Variants in GNA14 observed in about 807,000 individuals in gnomAD.
GNA14 encodes G protein subunit alpha 14, also known as guanine nucleotide-binding protein subunit alpha-14.
A neutral mutation model predicts 42.0 loss-of-function variants in GNA14; 50 were observed. The ratio of observed to expected loss-of-function variants is 1.19; its 90% CI spans 0.95 to 1.51. GNA14 has a LOEUF of 1.51. Ranked by LOEUF, GNA14 falls within the 40% of genes most tolerant of loss-of-function variation. The pLI, the probability that GNA14 is intolerant of heterozygous loss-of-function variation, is 0.00. For missense variants in GNA14, 473 were observed against 446.2 expected (o/e 1.06, Z -0.54); for synonymous variants, 173 against 163.1 (o/e 1.06, Z -0.46).
chr9:77,452,411 AGAGT>A (rs1835917326), intron 2 of GNA14, among the ~76,000 whole-genome samples: 1 of 152,152 alleles, frequency 6.6e-6, no homozygotes, highest in Admixed American at 6.5e-5. Flanking sequence ...AGCATTTTCC[AGAGT>A]GGTACATTAA....
chr9:77,532,295 A>C (rs1587820190), intron 1 of GNA14, among the ~76,000 whole-genome samples: 1 of 152,194 alleles, frequency 6.6e-6, no homozygotes, highest in Non-Finnish European at 1.5e-5. Context: ...ATTTCCCCCA[A>C]GTACATGGTC....
intron 2 of GNA14, among the ~76,000 whole-genome samples, chr9:77,454,245 T>C: frequency 6.6e-6 from 1 of 152,208 alleles, no homozygotes; most frequent in Non-Finnish European, 1.5e-5. Context: ...TCCCCTTTCC[T>C]CTAACACTAA....
intron 1 of GNA14, among the ~76,000 whole-genome samples, chr9:77,617,835 T>C (rs1158639007): frequency 1.3e-5 from 2 of 152,096 alleles, no homozygotes; most frequent in Non-Finnish European, 2.9e-5. Context: ...CATTGTTCCC[T>C]GGGTCTTCAT....
At chr9:77,511,306 C>T (rs1213938766) in intron 2 of GNA14, among the ~76,000 whole-genome samples, 1 of 152,128 alleles carries the variant, frequency 6.6e-6, no homozygotes, top group African/African-American at 2.4e-5. Context: ...CTGGGATACA[C>T]CTTGCTCTTA....
At chr9:77,442,633 T>A (rs77433989) in intron 2 of GNA14, among the ~76,000 whole-genome samples, 7,834 of 152,270 alleles carry the variant, frequency 0.051, 288 homozygotes, top group African/African-American at 0.1. Context: ...TAGGATTCCA[T>A]AGGGCAGCCT....
intron 5 of GNA14, 93 bp downstream of exon 5, chr9:77,428,814 G>A: frequency 7.9e-7 from 1 of 1,263,576 alleles, no homozygotes. Flanking sequence ...TTGACCTAAT[G>A]ACGAGGGTCT....
chr9:77,498,299 G>C (rs967676889), intron 2 of GNA14, among the ~76,000 whole-genome samples: 8 of 149,896 alleles, frequency 5.3e-5, no homozygotes, highest in African/African-American at 7.5e-5. Context: ...CTTGAACCCA[G>C]GAGGCAGAAG....
chr9:77,514,644 C>A (rs904159541), intron 2 of GNA14, among the ~76,000 whole-genome samples: 1 of 145,040 alleles, frequency 6.9e-6, no homozygotes, highest in African/African-American at 2.6e-5. Flanking sequence ...GACAGAGTCT[C>A]ACTCTGTCCC....
At chr9:77,454,450 G>A (rs1345422437) in intron 2 of GNA14, among the ~76,000 whole-genome samples, 1 of 152,166 alleles carries the variant, frequency 6.6e-6, no homozygotes, top group African/African-American at 2.4e-5. Context: ...GCTCTCCTGT[G>A]GCTAAGTGCC....
chr9:77,627,088 G>A (rs539960871), intron 1 of GNA14, among the ~76,000 whole-genome samples: 1 of 152,154 alleles, frequency 6.6e-6, no homozygotes, highest in Non-Finnish European at 1.5e-5. Context: ...ACTACCATCA[G>A]AGAATACTAT....
intron 1 of GNA14, among the ~76,000 whole-genome samples, chr9:77,615,777 T>G (rs768348005): frequency 1.3e-5 from 2 of 151,008 alleles, no homozygotes; most frequent in Non-Finnish European, 2.9e-5. Context: ...TGAAGAATTT[T>G]ACCATATCCA....
At chr9:77,469,854 C>CAAT (rs1836298881) in intron 2 of GNA14, among the ~76,000 whole-genome samples, 5 of 152,120 alleles carry the variant, frequency 3.3e-5, no homozygotes, top group African/African-American at 1.2e-4. Flanking sequence ...GAATACCTAT[C>CAAT]AGGTGACTAG....
intron 3 of GNA14, among the ~76,000 whole-genome samples, chr9:77,433,168 C>T (rs963809997): frequency 5.9e-5 from 9 of 152,262 alleles, no homozygotes; most frequent in African/African-American, 2.2e-4. Flanking sequence ...TCAATGCCTG[C>T]TCAGAGGGTG....
chr9:77,429,146 T>G, intron 4 of GNA14, 110 bp from the exon 5 acceptor site: 1 of 991,918 alleles, frequency 1.0e-6, no homozygotes, highest in South Asian at 1.6e-5. Flanking sequence ...CTCAGTAATT[T>G]CTAAGAGAGA....
intron 2 of GNA14, among the ~76,000 whole-genome samples, chr9:77,478,194 C>G (rs947290184): frequency 7.3e-6 from 1 of 136,850 alleles, no homozygotes; most frequent in African/African-American, 2.7e-5. Flanking sequence ...CACCCCACAA[C>G]AGTCCCCGGA....
At chr9:77,546,924 G>A (rs1477338468) in intron 1 of GNA14, among the ~76,000 whole-genome samples, 1 of 152,156 alleles carries the variant, frequency 6.6e-6, no homozygotes, top group Non-Finnish European at 1.5e-5. Context: ...ACTGTCCTGA[G>A]GTAATTATCG....
At chr9:77,546,432 A>T (rs1837721275) in intron 1 of GNA14, among the ~76,000 whole-genome samples, 1 of 152,080 alleles carries the variant, frequency 6.6e-6, no homozygotes, top group African/African-American at 2.4e-5. Flanking sequence ...GGTCTTCATT[A>T]TGACATCTCT....
At chr9:77,557,440 A>T (rs925578397) in intron 1 of GNA14, among the ~76,000 whole-genome samples, 6 of 152,230 alleles carry the variant, frequency 3.9e-5, no homozygotes, top group African/African-American at 1.4e-4. Flanking sequence ...TTTATGTTCT[A>T]GGACAAGTAC....
chr9:77,538,222 C>G (rs1830916116), intron 1 of GNA14, among the ~76,000 whole-genome samples: 1 of 152,118 alleles, frequency 6.6e-6, no homozygotes, highest in African/African-American at 2.4e-5. Context: ...AGGTGTGTGC[C>G]ACCACACCCA....
Sources: gnomAD v4.1 joint callset for allele counts (sites outside exome capture counted in the v4.1 genomes callset) on GRCh38, gnomAD v4.1.1 for gene constraint, MANE v1.5 for transcripts, NCBI Gene and HGNC (gene_info 2026-07-23, HGNC 2026-07-21) for gene names.